Variants in VWA8 observed in about 807,000 individuals in gnomAD.
VWA8 encodes the protein von Willebrand factor A domain-containing protein 8.
VWA8 carries 221 observed loss-of-function variants against 241.5 expected under a neutral mutation model. The ratio of observed to expected loss-of-function variants is 0.91; its 90% CI spans 0.82 to 1.02. The LOEUF (loss-of-function observed/expected upper bound fraction) is 1.02. Among genes scored for constraint, VWA8 ranks in the 50% least tolerant of loss-of-function variants. The pLI is 0.00. For missense variants in VWA8, 2,322 were observed against 2,328.7 expected, an observed-to-expected ratio of 1.00 and a Z score of 0.06; for synonymous variants, 852 against 827.1, an observed-to-expected ratio of 1.03 and a Z score of -0.52.
chr13:41,896,993 T>C (rs7337814), intron 4 of VWA8, among the ~76,000 whole-genome samples: 49,547 of 151,954 alleles, frequency 0.33, 8,196 homozygotes, highest in East Asian at 0.43. Flanking sequence ...CCAAAAACCG[T>C]AAATGCCAAT....
At chr13:41,629,895 C>T (rs888680803) in intron 37 of VWA8, among the ~76,000 whole-genome samples, 2 of 152,174 alleles carry the variant, frequency 1.3e-5, no homozygotes, top group Non-Finnish European at 2.9e-5. Context: ...CTCAATGACC[C>T]TCTGCCCTCT....
chr13:41,713,836 T>G (rs1434083405), intron 26 of VWA8, among the ~76,000 whole-genome samples: 1 of 152,120 alleles, frequency 6.6e-6, no homozygotes, highest in Non-Finnish European at 1.5e-5. Flanking sequence ...GGAGAAAAAG[T>G]AGAGATGGGA....
chr13:41,586,456 C>T (rs186042609), intron 42 of VWA8, among the ~76,000 whole-genome samples: 97 of 152,292 alleles, frequency 6.4e-4, no homozygotes, highest in Middle Eastern at 3.4e-3. Context: ...GGACAGAGCC[C>T]GGCAACCCAT....
chr13:41,829,651 G>A (rs1871342904), intron 14 of VWA8, among the ~76,000 whole-genome samples: 2 of 152,024 alleles, frequency 1.3e-5, no homozygotes, highest in Admixed American at 6.6e-5. Flanking sequence ...GGATGGAGCT[G>A]GAGGCCATTA....
chr13:41,701,964 GT>G (rs747989141), intron 27 of VWA8, among the ~76,000 whole-genome samples: 11 of 152,164 alleles, frequency 7.2e-5, no homozygotes, highest in Non-Finnish European at 1.5e-4. Flanking sequence ...AAATGTAATG[GT>G]TAAACCTGGG....
In VWA8 at chr13:41,830,510, G is replaced by T; in HGVS notation, c.1700+19C>A. On this transcript the variant is annotated intron_variant, in intron 14 of 44. Coordinates refer to ENST00000379310, the MANE Select transcript of VWA8 (RefSeq NM_015058.2). ...ACTTAACAATAAATTAGCAATGGGA[G>T]TAATGGACCCCAAATTACCTCTTCT... 6.3e-7 allele frequency: 1 copy of T among 1,585,072 alleles called. No individual in the cohort carries two copies. The highest frequency in any genetic ancestry group is 8.7e-7 in the Non-Finnish European group (1 of 1,154,812).
Position 41,634,151 on chromosome 13 carries a change from A to G in VWA8, c.4612-19067T>C, listed in dbSNP as rs191316565. 3.0e-3 allele frequency among the ~76,000 whole-genome samples: 462 copies of G among 152,292 alleles called. 2 individuals are homozygous for G. The highest frequency in any genetic ancestry group is 0.01 in the African/African-American group (430 of 41,560). On this transcript the variant is annotated intron_variant, in intron 37 of 44. Transcript: ENST00000379310. The stretch of plus-strand genomic sequence containing the variant: ...GAGAATCATACAGAGGGGAGAGGAG[A>G]GAACACTACGTGAAGAGACTGTAGA...
At chr13:41,897,928 G>A (rs1352727716) in intron 4 of VWA8, among the ~76,000 whole-genome samples, 1 of 152,204 alleles carries the variant, frequency 6.6e-6, no homozygotes, top group Non-Finnish European at 1.5e-5. Context: ...GTAGAGCCGA[G>A]TGGTCTGTTT....
At chr13:41,571,871 C>A (rs559875552) in intron 43 of VWA8, among the ~76,000 whole-genome samples, 1 of 152,014 alleles carries the variant, frequency 6.6e-6, no homozygotes, top group Non-Finnish European at 1.5e-5. Context: ...AGGGGCGCCT[C>A]TTCCCGGCCG....
At chr13:41,685,677 C>A (rs1240926278) in intron 34 of VWA8, among the ~76,000 whole-genome samples, 1 of 151,964 alleles carries the variant, frequency 6.6e-6, no homozygotes, top group Non-Finnish European at 1.5e-5. Flanking sequence ...AAATTTTTTA[C>A]CTTGAAATCA....
chr13:41,657,132 CTT>C (rs1341969496), intron 37 of VWA8, among the ~76,000 whole-genome samples: 1 of 152,152 alleles, frequency 6.6e-6, no homozygotes, highest in Non-Finnish European at 1.5e-5. Context: ...AGACATGCCC[CTT>C]TGGCTGAGGT....
intron 23 of VWA8, among the ~76,000 whole-genome samples, chr13:41,729,156 G>A (rs887047087): frequency 2.6e-5 from 4 of 151,658 alleles, no homozygotes; most frequent in Admixed American, 6.6e-5. Flanking sequence ...ATATACACAC[G>A]TATTCACCAC....
intron 4 of VWA8, among the ~76,000 whole-genome samples, chr13:41,900,174 G>C (rs1052571881): frequency 2.0e-5 from 3 of 152,192 alleles, no homozygotes; most frequent in African/African-American, 4.8e-5. Context: ...AATAGAACAA[G>C]TTTATCAGCA....
At chr13:41,636,822 C>A (rs1337419812) in intron 37 of VWA8, among the ~76,000 whole-genome samples, 19 of 152,164 alleles carry the variant, frequency 1.2e-4, no homozygotes, top group Non-Finnish European at 2.6e-4. Flanking sequence ...AAATGTTCAT[C>A]ATCACTGGCC....
At chr13:41,947,954 C>CAAA (rs1169518183) in intron 2 of VWA8, among the ~76,000 whole-genome samples, 1 of 63,508 alleles carries the variant, frequency 1.6e-5, no homozygotes, top group South Asian at 5.0e-4. Context: ...AAAAAAAAAA[C>CAAA]AAAACAAAAC....
intron 17 of VWA8, among the ~76,000 whole-genome samples, chr13:41,792,984 C>T (rs1869525598): frequency 6.6e-6 from 1 of 151,992 alleles, no homozygotes; most frequent in African/African-American, 2.4e-5. Context: ...TGTAGCTAAT[C>T]ATATAACCTA....
chr13:41,863,431 GTGTATA>G (rs1452098865), intron 12 of VWA8, among the ~76,000 whole-genome samples: 2,094 of 73,250 alleles, frequency 0.029, 39 homozygotes, highest in South Asian at 0.05. Flanking sequence ...GTGTGTGTGT[GTGTATA>G]TATATATATA....
rs192673056 is a variant in VWA8 at position 41,807,330 on chromosome 13, C to T, written c.2063+3895G>A. 1.5e-4 allele frequency among the ~76,000 whole-genome samples: 23 copies of T among 152,222 alleles called. 1 individual carries two copies. The highest frequency in any genetic ancestry group is 3.9e-4 in the African/African-American group (16 of 41,530). ...TAGAGGAGGAGGGAATATTTCCAAA[C>T]TTGTTCTACAAGGCCACTATTACCC... On this transcript the variant is annotated intron_variant, in intron 17 of 44. Transcript: ENST00000379310.
At chr13:41,671,739 T>TC (rs200934472) in intron 36 of VWA8, among the ~76,000 whole-genome samples, 2,834 of 152,030 alleles carry the variant, frequency 0.019, 28 homozygotes, top group South Asian at 0.047. Flanking sequence ...CTGTTTCCCT[T>TC]CCCCCCCATT....
Sources: allele counts gnomAD v4.1 joint callset (sites outside exome capture counted in the v4.1 genomes callset), GRCh38; gene constraint gnomAD v4.1.1; transcripts MANE v1.5; gene names NCBI Gene and HGNC (gene_info 2026-07-23, HGNC 2026-07-21).